Variants in TFDP2 observed in about 807,000 individuals in gnomAD.
TFDP2 encodes the protein transcription factor Dp-2, also known as transcription factor Dp-2 (E2F dimerization partner 2).
A neutral mutation model predicts 59.3 loss-of-function variants in TFDP2; 17 were observed. The ratio of observed to expected loss-of-function variants is 0.29; its 90% CI spans 0.20 to 0.43. The LOEUF (loss-of-function observed/expected upper bound fraction) is 0.43, where lower values mean the gene tolerates loss of function less well. TFDP2 is among the 20% of genes least tolerant of loss of function. The probability of loss-of-function intolerance (pLI) is 1.00; values close to 1 mark genes in which losing one functional copy is unlikely to be tolerated. For missense variants in TFDP2, 391 were observed against 528.8 expected, an observed-to-expected ratio of 0.74 and a Z score of 2.56; for synonymous variants, 180 against 194.7, an observed-to-expected ratio of 0.92 and a Z score of 0.63.
intron 6 of TFDP2, among the ~76,000 whole-genome samples, chr3:141,992,478 T>C (rs922389359): frequency 1.3e-5 from 2 of 152,208 alleles, no homozygotes; most frequent in African/African-American, 4.8e-5. Flanking sequence ...TGACAAATAG[T>C]TCCATTTTAA....
At chr3:142,060,884 C>A (rs2059896609) in intron 3 of TFDP2, among the ~76,000 whole-genome samples, 1 of 152,182 alleles carries the variant, frequency 6.6e-6, no homozygotes, top group African/African-American at 2.4e-5. Context: ...CAACAGCCGA[C>A]AGAGACTGGT....
At chr3:141,978,944 G>A (rs11569223) in intron 6 of TFDP2, among the ~76,000 whole-genome samples, 11,341 of 152,076 alleles carry the variant, frequency 0.075, 526 homozygotes, top group Non-Finnish European at 0.11. Flanking sequence ...ATTCTATGCC[G>A]GATACTGTTA....
At chr3:141,968,313 CTA>C (rs765089189) in intron 9 of TFDP2, among the ~76,000 whole-genome samples, 10,183 of 111,674 alleles carry the variant, frequency 0.091, 799 homozygotes, top group East Asian at 0.15. Context: ...ATATATATAA[CTA>C]TATATAACAT....
At chr3:142,118,071 C>T (rs1399849938) in intron 1 of TFDP2, among the ~76,000 whole-genome samples, 1 of 152,024 alleles carries the variant, frequency 6.6e-6, no homozygotes, top group Non-Finnish European at 1.5e-5. Flanking sequence ...GCACTCCAGC[C>T]TGGGTGACAG....
chr3:142,057,207 C>A (rs2059776417), intron 3 of TFDP2, among the ~76,000 whole-genome samples: 1 of 152,058 alleles, frequency 6.6e-6, no homozygotes, highest in Non-Finnish European at 1.5e-5. Flanking sequence ...ACTTCCATGG[C>A]CACCATAAGA....
intron 6 of TFDP2, among the ~76,000 whole-genome samples, chr3:141,983,055 T>C (rs1941659981): frequency 6.6e-6 from 1 of 152,162 alleles, no homozygotes. Context: ...TCATAAGCAA[T>C]ATAAAACCAA....
chr3:142,131,157 T>C (rs1332588879), intron 1 of TFDP2, among the ~76,000 whole-genome samples: 1 of 149,984 alleles, frequency 6.7e-6, no homozygotes. Context: ...ATGACGTGTC[T>C]CTATAAACAT....
rs1946892485 is a variant in TFDP2 at position 142,040,186 on chromosome 3, A to AAAT, written c.83-34643_83-34642insATT. On this transcript the variant is annotated intron_variant, in intron 3 of 12. Coordinates refer to ENST00000489671, the MANE Select transcript of TFDP2 (RefSeq NM_001178139.2). The stretch of plus-strand genomic sequence containing the variant: ...TAAAGCTATCAACAGAACGAGACTC[A>AAAT]TTTATGACCTAGATGTTGGAAATAT... 7.9e-5 allele frequency among the ~76,000 whole-genome samples: 12 copies of AAAT among 152,304 alleles called. No individual in the cohort carries two copies. In the South Asian group the frequency reaches 2.5e-3, roughly 32 times the overall value.
chr3:141,978,797 A>C, intron 6 of TFDP2, 115 bp from the exon 7 acceptor site: 1 of 773,522 alleles, frequency 1.3e-6, no homozygotes, highest in Non-Finnish European at 1.9e-6. Flanking sequence ...AAGTGTCAAA[A>C]ATTTAAATTG....
rs902479555 is a variant in TFDP2, at chr3:142,130,163, A to G, written c.-93+19020T>C. 2.6e-5 allele frequency among the ~76,000 whole-genome samples: 4 copies of G among 152,282 alleles called. No homozygotes were observed. The East Asian group carries it at 7.7e-4, about 29-fold the overall frequency. Reference sequence around the variant, plus strand: ...TTTGCATAACCATATTCACAGCAGCATTATTCATAATGGTTAAAATGTAGA... The same window carrying G: ...TTTGCATAACCATATTCACAGCAGCGTTATTCATAATGGTTAAAATGTAGA... On this transcript the variant is annotated intron_variant, in intron 1 of 12. Coordinates refer to ENST00000489671, the MANE Select transcript of TFDP2 (RefSeq NM_001178139.2).
rs1190300185 is a variant in TFDP2 at position 142,000,424 on chromosome 3, G to A, written c.186+5017C>T. The A allele has an allele frequency of 1.6e-5, 10 of 615,396 alleles. No individual in the cohort carries two copies. In the Admixed American group the frequency reaches 2.4e-4, roughly 15 times the overall value. 38.1% of individuals were successfully genotyped at this position (615,396 alleles called of 1,614,324 possible). On this transcript the variant is annotated intron_variant, in intron 4 of 12. Coordinates refer to ENST00000489671, the MANE Select transcript of TFDP2 (RefSeq NM_001178139.2). ...TAAGGGCACTAATTCCACTCATAAG[G>A]GTGAAGCCCTCATGACTTCATCACT...
chr3:141,961,888 T>C (rs985549461), intron 10 of TFDP2, among the ~76,000 whole-genome samples: 6 of 152,084 alleles, frequency 3.9e-5, no homozygotes, highest in Non-Finnish European at 7.4e-5. Context: ...CAGTGAGCTA[T>C]AATCGTGCCT....
At chr3:142,072,265 T>C (rs1455162111) in intron 3 of TFDP2, among the ~76,000 whole-genome samples, 1 of 152,240 alleles carries the variant, frequency 6.6e-6, no homozygotes, top group Non-Finnish European at 1.5e-5. Flanking sequence ...ATATGTATCA[T>C]TACAGATGTG....
Position 142,006,962 on chromosome 3 carries a change from G to A in TFDP2, c.83-1418C>T, listed in dbSNP as rs191242266. On this transcript the variant is annotated intron_variant, in intron 3 of 12. Transcript: ENST00000489671. Reference sequence around the variant, plus strand: ...TGGCTAATTTTTGTGTTTTAGTAAAGATGGGGTTTCACCATGTTGGCCAGG... The same window carrying A: ...TGGCTAATTTTTGTGTTTTAGTAAAAATGGGGTTTCACCATGTTGGCCAGG... Among the ~76,000 whole-genome samples the A allele has an allele frequency of 2.5e-3, 378 of 152,164 alleles. 1 individual carries two copies. The highest frequency in any genetic ancestry group is 0.011 in the South Asian group (55 of 4,822).
intron 1 of TFDP2, among the ~76,000 whole-genome samples, chr3:142,139,300 G>A (rs1490556248): frequency 1.3e-5 from 2 of 152,086 alleles, no homozygotes; most frequent in Non-Finnish European, 2.9e-5. Context: ...GCACACTGAT[G>A]GGTCTTGACT....
chr3:142,131,145 A>T (rs2062489507), intron 1 of TFDP2, among the ~76,000 whole-genome samples: 1 of 150,172 alleles, frequency 6.7e-6, no homozygotes, highest in Admixed American at 6.6e-5. Flanking sequence ...AATTGAAAAA[A>T]GATGACGTGT....
intron 1 of TFDP2, among the ~76,000 whole-genome samples, chr3:142,125,491 T>TAC (rs199600921): frequency 0.042 from 6,324 of 152,024 alleles, 141 homozygotes; most frequent in South Asian, 0.059. Flanking sequence ...ATCATACACA[T>TAC]ACACACACAC....
intron 7 of TFDP2, among the ~76,000 whole-genome samples, chr3:141,978,158 A>C (rs937570922): frequency 6.6e-6 from 1 of 151,920 alleles, no homozygotes; most frequent in Non-Finnish European, 1.5e-5. Context: ...CAGCCTGGCC[A>C]ACATGGTGAA....
intron 10 of TFDP2, among the ~76,000 whole-genome samples, 195 bp downstream of exon 10, chr3:141,963,617 G>C (rs1937571697): frequency 6.6e-6 from 1 of 152,108 alleles, no homozygotes; most frequent in African/African-American, 2.4e-5. Flanking sequence ...ACAAGACAGG[G>C]GACCACAGAG....
Sources: allele counts gnomAD v4.1 joint callset (sites outside exome capture counted in the v4.1 genomes callset), GRCh38; gene constraint gnomAD v4.1.1; transcripts MANE v1.5; gene names NCBI Gene and HGNC (gene_info 2026-07-23, HGNC 2026-07-21).